The following TENM4 variants were observed in gnomAD, a reference collection of about 807,000 sequenced individuals.
The protein encoded by TENM4 is teneurin-4.
A neutral mutation model predicts 243.3 loss-of-function variants in TENM4; 82 were observed. The ratio of observed to expected loss-of-function variants is 0.34; its 90% CI spans 0.28 to 0.40. TENM4 has a LOEUF of 0.40. Ranked by LOEUF, TENM4 falls within the 10% of genes least tolerant of loss-of-function variation. The pLI, the probability that TENM4 is intolerant of heterozygous loss-of-function variation, is 1.00. For missense variants in TENM4, 3,138 were observed against 3,673.3 expected (o/e 0.85, Z 3.77); for synonymous variants, 1,412 against 1,456.3 (o/e 0.97, Z 0.69).
intron 2 of TENM4, among the ~76,000 whole-genome samples, chr11:79,279,714 G>C (rs1022380352): frequency 6.6e-6 from 1 of 152,138 alleles, no homozygotes; most frequent in Non-Finnish European, 1.5e-5. Flanking sequence ...CCAGGTCTCA[G>C]GGCCTTTATG....
chr11:79,197,028 A>C (rs569357816), intron 3 of TENM4, among the ~76,000 whole-genome samples: 1 of 152,316 alleles, frequency 6.6e-6, no homozygotes, highest in South Asian at 2.1e-4. Context: ...CTGAGTCCTC[A>C]ATATTCCATG....
At chr11:79,428,743 G>A (rs182426211) in intron 1 of TENM4, among the ~76,000 whole-genome samples, 29 of 152,270 alleles carry the variant, frequency 1.9e-4, no homozygotes, top group African/African-American at 6.3e-4. Context: ...GGCAGGGGTG[G>A]GAAAGAAACC....
chr11:79,039,876 A>G (rs1392759157), intron 6 of TENM4, among the ~76,000 whole-genome samples: 2 of 152,240 alleles, frequency 1.3e-5, no homozygotes, highest in Non-Finnish European at 2.9e-5. Context: ...AAACGTATCT[A>G]AAGCATTCAA....
intron 2 of TENM4, among the ~76,000 whole-genome samples, chr11:79,244,403 G>C (rs1373915985): frequency 1.3e-5 from 2 of 151,986 alleles, no homozygotes; most frequent in African/African-American, 4.8e-5. Context: ...TCATCTTTTG[G>C]ATGTGGCATT....
chr11:78,697,789 T>C (rs1039920279), intron 28 of TENM4, among the ~76,000 whole-genome samples: 2 of 152,032 alleles, frequency 1.3e-5, no homozygotes, highest in African/African-American at 4.8e-5. Flanking sequence ...CCCTATGAAA[T>C]TCAGGGAAGG....
chr11:78,939,064 C>T (rs1856839788), intron 6 of TENM4, among the ~76,000 whole-genome samples: 1 of 152,180 alleles, frequency 6.6e-6, no homozygotes, highest in Non-Finnish European at 1.5e-5. Context: ...GGGCTTGATT[C>T]CACACGGCTG....
intron 12 of TENM4, among the ~76,000 whole-genome samples, chr11:78,840,949 C>T (rs1233286126): frequency 1.3e-5 from 2 of 152,100 alleles, no homozygotes; most frequent in African/African-American, 4.8e-5. Context: ...AAGAGTTGTT[C>T]CTGCTTTCCC....
chr11:78,717,693 T>C (rs1385697553), intron 25 of TENM4, among the ~76,000 whole-genome samples: 2 of 152,232 alleles, frequency 1.3e-5, no homozygotes, highest in African/African-American at 4.8e-5. Context: ...CTTTAGAAAC[T>C]ACTAGAAGAT....
chr11:78,752,888 A>G (rs1856223498), intron 19 of TENM4, among the ~76,000 whole-genome samples: 2 of 152,158 alleles, frequency 1.3e-5, no homozygotes, highest in African/African-American at 2.4e-5. Context: ...GTGGATTTGG[A>G]AACTCTTTTT....
intron 6 of TENM4, among the ~76,000 whole-genome samples, chr11:79,016,526 C>A (rs983721983): frequency 6.6e-6 from 1 of 152,070 alleles, no homozygotes; most frequent in Non-Finnish European, 1.5e-5. Context: ...CACTTTCAAG[C>A]AGAGATATCA....
chr11:79,012,479 G>A (rs1858671397), intron 6 of TENM4, among the ~76,000 whole-genome samples: 1 of 152,140 alleles, frequency 6.6e-6, no homozygotes, highest in African/African-American at 2.4e-5. Context: ...CCTGAGCCCA[G>A]GAGAGTACCC....
chr11:78,880,395 T>C (rs988733701), intron 9 of TENM4, among the ~76,000 whole-genome samples: 3 of 146,716 alleles, frequency 2.0e-5, no homozygotes, highest in South Asian at 2.1e-4. Context: ...CTCTCCACTA[T>C]TATCCTATGA....
chr11:79,338,814 C>T (rs190730255), intron 1 of TENM4, among the ~76,000 whole-genome samples: 1 of 152,226 alleles, frequency 6.6e-6, no homozygotes, highest in Non-Finnish European at 1.5e-5. Flanking sequence ...ACAAGTCACA[C>T]TCACGGAGCC....
chr11:78,899,958 G>A (rs1172231052), intron 7 of TENM4, among the ~76,000 whole-genome samples: 1 of 152,150 alleles, frequency 6.6e-6, no homozygotes. Flanking sequence ...ACACTAAATG[G>A]ACTGAGACAG....
chr11:79,359,627 G>A (rs1369719741), intron 1 of TENM4, among the ~76,000 whole-genome samples: 2 of 152,084 alleles, frequency 1.3e-5, no homozygotes, highest in African/African-American at 4.8e-5. Context: ...AATAGAACAA[G>A]TCTGCTGGGA....
chr11:78,798,294 C>A (rs181415936), intron 15 of TENM4, among the ~76,000 whole-genome samples: 1 of 152,310 alleles, frequency 6.6e-6, no homozygotes, highest in East Asian at 1.9e-4. Flanking sequence ...ATTTTGCTGT[C>A]GATTGTGACC....
Position 78,805,463 on chromosome 11 carries a change from G to A in TENM4, c.2008C>T (p.Arg670Trp), listed in dbSNP as rs763663817. Residue 670 changes from arginine to tryptophan, a missense_variant, in exon 15 of 34, where the codon CGG becomes TGG. Physicochemically the swap from Arg to Trp is moderately radical, Grantham distance 101 (BLOSUM62 -3). Around this residue, in one of 2 missense-constraint regions of TENM4, gnomAD observed 2,467 missense variants for 3,059.1 expected, o/e 0.81. Transcript: ENST00000278550. ...VDCMDPTCSG[R>W]GVCVRGECHC... ...CATTCGCCTCTCACGCAGACACCCCGGCCTGAACATGTGGGGTCCATGCAG... is the reference window on the plus strand; with the variant it reads ...CATTCGCCTCTCACGCAGACACCCCAGCCTGAACATGTGGGGTCCATGCAG... 3.8e-6 allele frequency: 6 copies of A among 1,589,356 alleles called. No individual in the cohort carries two copies. The highest frequency in any genetic ancestry group is 4.6e-5 in the East Asian group (2 of 43,598).
At chr11:78,895,437 A>C (rs1217156166) in intron 7 of TENM4, among the ~76,000 whole-genome samples, 2 of 152,156 alleles carry the variant, frequency 1.3e-5, no homozygotes. Flanking sequence ...GAGGAAACTG[A>C]GGCCCAGAGA....
At chr11:79,100,981 T>C (rs1861216163) in intron 4 of TENM4, among the ~76,000 whole-genome samples, 1 of 151,770 alleles carries the variant, frequency 6.6e-6, no homozygotes, top group Non-Finnish European at 1.5e-5. Context: ...CAGAGGCGTG[T>C]GGGCTGGACT....
Sources: gnomAD v4.1 joint callset for allele counts (sites outside exome capture counted in the v4.1 genomes callset) on GRCh38, gnomAD v4.1.1 for gene constraint, gnomAD v4.1.1 regional missense constraint, MANE v1.5 for transcripts, NCBI Gene and HGNC (gene_info 2026-07-23, HGNC 2026-07-21) for gene names.